The following DNM3 variants were observed in gnomAD, a reference collection of about 807,000 sequenced individuals.
DNM3 encodes the protein dynamin 3.
Under a neutral mutation model 101.6 loss-of-function variants are expected in DNM3, and 47 were observed. The observed-to-expected ratio is 0.46, with a 90% CI of 0.37 to 0.59. DNM3 has a LOEUF of 0.59. Among genes scored for constraint, DNM3 ranks in the 20% least tolerant of loss-of-function variants. The pLI, the probability that DNM3 is intolerant of heterozygous loss-of-function variation, is 0.00. For synonymous variants in DNM3, 385 were observed against 387.9 expected (o/e 0.99, Z 0.09); for missense variants, 849 against 1,085.7 (o/e 0.78, Z 3.06).
chr1:172,227,131 C>T (rs1195322904), intron 14 of DNM3, among the ~76,000 whole-genome samples: 1 of 151,672 alleles, frequency 6.6e-6, no homozygotes, highest in Non-Finnish European at 1.5e-5. Flanking sequence ...TAACTTAGCT[C>T]TCACTTACAA....
chr1:171,853,617 A>G (rs2125007979), intron 1 of DNM3, among the ~76,000 whole-genome samples: 1 of 152,276 alleles, frequency 6.6e-6, no homozygotes, highest in East Asian at 1.9e-4. Flanking sequence ...TATATCTAAC[A>G]CATCTTGTAA....
chr1:171,852,199 A>C (rs140880822), intron 1 of DNM3, among the ~76,000 whole-genome samples: 12 of 152,252 alleles, frequency 7.9e-5, no homozygotes, highest in Non-Finnish European at 1.6e-4. Flanking sequence ...CCTTTCCCCT[A>C]TTGAGGTTTC....
intron 17 of DNM3, among the ~76,000 whole-genome samples, chr1:172,333,429 A>G (rs2066278186): frequency 6.6e-6 from 1 of 152,198 alleles, no homozygotes. Flanking sequence ...GCATATTAAA[A>G]TTAAGCAATC....
chr1:171,856,276 C>T (rs2033604056), intron 1 of DNM3, among the ~76,000 whole-genome samples: 1 of 152,108 alleles, frequency 6.6e-6, no homozygotes, highest in Non-Finnish European at 1.5e-5. Context: ...GTTACTGTAG[C>T]CCTGTAGTAT....
intron 14 of DNM3, among the ~76,000 whole-genome samples, chr1:172,209,586 G>A (rs2060441869): frequency 6.6e-6 from 1 of 151,982 alleles, no homozygotes; most frequent in Non-Finnish European, 1.5e-5. Context: ...ATTAAGCAAG[G>A]AGAAGACTCT....
At chr1:171,969,940 T>C (rs1266300611) in intron 2 of DNM3, among the ~76,000 whole-genome samples, 1 of 152,150 alleles carries the variant, frequency 6.6e-6, no homozygotes, top group Non-Finnish European at 1.5e-5. Flanking sequence ...TGTGTGTGAC[T>C]AAAAGCTTGG....
At chr1:171,926,047 T>C (rs2040544568) in intron 2 of DNM3, among the ~76,000 whole-genome samples, 1 of 152,206 alleles carries the variant, frequency 6.6e-6, no homozygotes, top group African/African-American at 2.4e-5. Flanking sequence ...CTCTGTTCTT[T>C]TACATTGATC....
At chr1:172,149,323 A>C (rs920753586) in intron 14 of DNM3, among the ~76,000 whole-genome samples, 8 of 152,156 alleles carry the variant, frequency 5.3e-5, no homozygotes, top group Non-Finnish European at 1.0e-4. Context: ...AGCCATTTTT[A>C]TATTTCAGTA....
intron 16 of DNM3, chr1:172,309,568 A>C (rs930525475): frequency 2.6e-5 from 4 of 152,178 alleles, no homozygotes; most frequent in African/African-American, 9.7e-5. Flanking sequence ...TTCCTCCTGT[A>C]TATCTAGATT....
chr1:172,171,832 G>T (rs1449797260), intron 14 of DNM3, among the ~76,000 whole-genome samples: 1 of 151,646 alleles, frequency 6.6e-6, no homozygotes. Context: ...AAATAGGACA[G>T]TGTCAAAAAA....
chr1:172,100,799 T>G (rs143763291), intron 13 of DNM3, among the ~76,000 whole-genome samples: 1 of 152,302 alleles, frequency 6.6e-6, no homozygotes, highest in South Asian at 2.1e-4. Flanking sequence ...CCTTCCATAT[T>G]TTTGTTCTGC....
intron 10 of DNM3, among the ~76,000 whole-genome samples, chr1:172,055,282 G>A (rs972228901): frequency 2.0e-5 from 3 of 152,170 alleles, no homozygotes; most frequent in African/African-American, 7.2e-5. Flanking sequence ...CATTCTTAAT[G>A]TGGGAAATGA....
chr1:171,891,791 G>T (rs7554526), intron 1 of DNM3, among the ~76,000 whole-genome samples: 62,636 of 151,938 alleles, frequency 0.41, 13,077 homozygotes, highest in Non-Finnish European at 0.43. Context: ...TACTGTTAGT[G>T]ACTTAGCACT....
chr1:172,224,799 T>C (rs902473833), intron 14 of DNM3, among the ~76,000 whole-genome samples: 10 of 152,198 alleles, frequency 6.6e-5, no homozygotes, highest in Non-Finnish European at 1.5e-5. Context: ...TGAAATCCCA[T>C]TGTATAAAAT....
chr1:172,039,288 G>A (rs568836579), intron 7 of DNM3, among the ~76,000 whole-genome samples: 16 of 152,136 alleles, frequency 1.1e-4, no homozygotes, highest in South Asian at 2.1e-4. Context: ...CTCTTATGGC[G>A]CACTTTTCTC....
At chr1:172,194,013 C>A (rs139031539) in intron 14 of DNM3, among the ~76,000 whole-genome samples, 13,302 of 152,112 alleles carry the variant, frequency 0.087, 697 homozygotes, top group Middle Eastern at 0.15. Context: ...TATAAATTTC[C>A]CTCTACACAC....
intron 15 of DNM3, among the ~76,000 whole-genome samples, chr1:172,303,617 G>C (rs1057476464): frequency 2.0e-5 from 3 of 152,214 alleles, no homozygotes; most frequent in East Asian, 1.9e-4. Context: ...AAATGTTAAG[G>C]GCAGCCAGAG....
chr1:171,856,285 A>G (rs2033605555), intron 1 of DNM3, among the ~76,000 whole-genome samples: 1 of 152,130 alleles, frequency 6.6e-6, no homozygotes, highest in Non-Finnish European at 1.5e-5. Flanking sequence ...GCCCTGTAGT[A>G]TAGTTTGAAG....
chr1:172,107,426 G>A (rs539252470), intron 13 of DNM3, among the ~76,000 whole-genome samples: 13 of 152,116 alleles, frequency 8.5e-5, no homozygotes, highest in African/African-American at 2.4e-4. Context: ...GCTTTCAGCT[G>A]TTGGCCAGCT....
Sources: allele counts gnomAD v4.1 joint callset (sites outside exome capture counted in the v4.1 genomes callset), GRCh38; gene constraint gnomAD v4.1.1; transcripts MANE v1.5; gene names NCBI Gene and HGNC (gene_info 2026-07-23, HGNC 2026-07-21).